Variants in STAG3 observed in about 807,000 individuals in gnomAD.
STAG3 encodes STAG3 cohesin complex component.
In STAG3, 101 loss-of-function variants were observed where a neutral mutation model predicts 160.7. The ratio of observed to expected loss-of-function variants is 0.63; its 90% CI spans 0.54 to 0.74. STAG3 has a LOEUF of 0.74. Among genes scored for constraint, STAG3 ranks in the 30% least tolerant of loss-of-function variants. STAG3 has a pLI of 0.00. For missense variants in STAG3, 1,188 were observed against 1,517.4 expected (o/e 0.78, Z 3.61); for synonymous variants, 519 against 585.0 (o/e 0.89, Z 1.63).
intron 8 of STAG3, among the ~76,000 whole-genome samples, chr7:100,191,267 A>G (rs1295010564): frequency 6.6e-6 from 1 of 152,128 alleles, no homozygotes; most frequent in African/African-American, 2.4e-5. Context: ...CTGGGGAACA[A>G]AATTAGCCTC....
At chr7:100,196,349 C>T (rs375829527) in intron 9 of STAG3, among the ~76,000 whole-genome samples, 4 of 151,336 alleles carry the variant, frequency 2.6e-5, no homozygotes, top group South Asian at 4.2e-4. Context: ...GGTGCGATCT[C>T]GGCTCACGGC....
Position 100,199,330 on chromosome 7 carries a change from G to C in STAG3, c.1536G>C (p.Trp512Cys), listed in dbSNP as rs1800914675. Residue 512 changes from tryptophan (W) to cysteine (C), a missense_variant, in exon 15 of 34, where the codon TGG becomes TGC. Trp to Cys is a radical substitution (Grantham distance 215). Coordinates refer to ENST00000615138, the MANE Select transcript of STAG3 (RefSeq NM_001282717.2). ...WDCAGARLKD[W>C]EGLTSLLLEK... ...GTGCAGGGGCTCGGCTGAAGGACTG[G>C]GAGGGTCTGACAAGCCTGCTGCTGG... 6.2e-7 allele frequency: 1 copy of C among 1,614,064 alleles called. No individual in the cohort carries two copies. Among genetic ancestry groups the C allele is most frequent in the Non-Finnish European group, 8.5e-7 (1 of 1,180,030 alleles).
chr7:100,191,204 C>T (rs745390835), intron 8 of STAG3, among the ~76,000 whole-genome samples: 1 of 152,030 alleles, frequency 6.6e-6, no homozygotes, highest in Non-Finnish European at 1.5e-5. Flanking sequence ...GTACCCTGCT[C>T]CCCCAGCAAG....
chr7:100,198,767 A>G (rs1346782312), intron 13 of STAG3, 76 bp from the exon 14 acceptor site: 3 of 1,381,620 alleles, frequency 2.2e-6, no homozygotes, highest in Non-Finnish European at 3.1e-6. Context: ...TCCTTGGGCC[A>G]TCTCCTCCCT....
rs1232866048 is a variant in STAG3, at chr7:100,211,491, A to G, written c.3470A>G (p.Gln1157Arg). 6.2e-7 allele frequency: 1 copy of G among 1,612,504 alleles called. No individual in the cohort carries two copies. Among genetic ancestry groups the G allele is most frequent in the Non-Finnish European group, 8.5e-7 (1 of 1,179,804 alleles). The change falls in exon 31 of 34, where the codon CAG (glutamine) becomes CGG (arginine). Residue 1157 changes from glutamine (Q) to arginine (R), a missense_variant. Transcript: ENST00000615138. ...AGGTTCTTGGGTCCACAATATTTCC[A>G]GACTCCACACAACCCTTCAGGTCCT... Reference protein sequence around the residue: ...RSRFLGPQYFQTPHNPSGPGL... With the variant: ...RSRFLGPQYFRTPHNPSGPGL...
chr7:100,180,923 A>G, intron 2 of STAG3: 1 of 300,980 alleles, frequency 3.3e-6, no homozygotes, highest in Admixed American at 5.6e-5. Flanking sequence ...CCTGTCGCCC[A>G]GGCTGGAGTG....
rs776921708 is a variant in STAG3, at chr7:100,182,789, C to G, written c.286C>G (p.Pro96Ala). Residue 96 changes from proline to alanine, a missense_variant, in exon 4 of 34, where the codon CCA (proline) becomes GCA (alanine). Around this residue, in one of 4 missense-constraint regions of STAG3, gnomAD observed 296 missense variants for 404.0 expected, o/e 0.73. Coordinates refer to ENST00000615138, the MANE Select transcript of STAG3 (RefSeq NM_001282717.2). The stretch of plus-strand genomic sequence containing the variant: ...TCATAGCCGGAAACAGTCAGAGCCA[C>G]CAGCCAATGATCTTTTCAATGCTGT... The part of the protein sequence containing the change: ...HRHSRKQSEP[P>A]ANDLFNAVKA... 3 of 1,613,838 alleles carry G rather than the reference C, an allele frequency of 1.9e-6. No individual in the cohort carries two copies. Among genetic ancestry groups the G allele is most frequent in the Non-Finnish European group, 2.5e-6 (3 of 1,179,868 alleles).
Position 100,211,077 on chromosome 7 carries a change from T to TGCCCCCCCCC in STAG3, c.3305_3306insGCCCCCCCCC (p.Ile1102MetfsTer92). On this transcript the variant is annotated frameshift_variant, in exon 30 of 34. Coordinates refer to ENST00000615138, the MANE Select transcript of STAG3 (RefSeq NM_001282717.2). LOFTEE classifies it high-confidence loss of function. ...GAAGAAAGTCTGCAGCTGAACAGCA[T>TGCCCCCCCCC]CCCGCCCACGCCCACCCTCACCTCC... 8 of 1,600,768 alleles carry TGCCCCCCCCC rather than the reference T, an allele frequency of 5.0e-6. No homozygotes were observed. Among genetic ancestry groups the TGCCCCCCCCC allele is most frequent in the Non-Finnish European group, 6.8e-6 (8 of 1,168,792 alleles).
intron 10 of STAG3, 121 bp from the exon 11 acceptor site, chr7:100,197,657 T>G: frequency 1.2e-6 from 1 of 828,550 alleles, no homozygotes; most frequent in African/African-American, 1.7e-5. Flanking sequence ...TTAAGAGTCC[T>G]CAGTAGAGGG....
At chr7:100,217,960 T>TCA (rs1455988755), downstream of STAG3, among the ~76,000 whole-genome samples, 1 of 150,470 alleles carries the variant, frequency 6.6e-6, no homozygotes, top group African/African-American at 2.4e-5. Context: ...GCCTGACTGA[T>TCA]GTCAGGCCTT....
intron 29 of STAG3, among the ~76,000 whole-genome samples, chr7:100,210,773 G>A (rs1430147904): frequency 6.6e-6 from 1 of 152,176 alleles, no homozygotes; most frequent in African/African-American, 2.4e-5. Context: ...AGGCTGTGTA[G>A]CAAGTTCTTC....
downstream of STAG3, among the ~76,000 whole-genome samples, chr7:100,217,101 G>GACTT (rs1044628688): frequency 3.3e-5 from 5 of 152,184 alleles, no homozygotes; most frequent in African/African-American, 1.2e-4. Flanking sequence ...AGGGAATCAT[G>GACTT]ACTTACAATG....
Position 100,202,505 on chromosome 7 carries a change from G to A in STAG3, c.2615G>A (p.Arg872His), listed in dbSNP as rs148735100. 2.5e-4 allele frequency: 411 copies of A among 1,614,046 alleles called. 1 individual carries two copies. The highest frequency in any genetic ancestry group is 3.7e-4 in the South Asian group (34 of 91,094). ...LQIERLHQRR[R>H]LLAGFCKLLL... Reference sequence around the variant, plus strand: ...ATAGAGCGGCTACACCAGCGGCGCCGCCTCCTAGCCGGGTTCTGCAAGCTG... The same window carrying A: ...ATAGAGCGGCTACACCAGCGGCGCCACCTCCTAGCCGGGTTCTGCAAGCTG... The change falls in exon 25 of 34, where the codon CGC (arginine) becomes CAC (histidine). Residue 872 changes from arginine (R) to histidine (H), a missense_variant. Coordinates refer to ENST00000615138, the MANE Select transcript of STAG3 (RefSeq NM_001282717.2).
rs1310793105 is a variant in STAG3 at position 100,201,244 on chromosome 7, T to C, written c.2133-20T>C. The C allele has an allele frequency of 3.7e-6, 6 of 1,614,016 alleles. No individual in the cohort carries two copies. Among genetic ancestry groups the C allele is most frequent in the Non-Finnish European group, 5.1e-6 (6 of 1,179,896 alleles). On this transcript the variant is annotated intron_variant, in intron 20 of 33. Coordinates refer to ENST00000615138, the MANE Select transcript of STAG3 (RefSeq NM_001282717.2). ...CCCTCTGTTCTTTTCCAGTATAACATTCCCCTTTCTCCCCCAAAGCACTCA... is the reference window on the plus strand; with the variant it reads ...CCCTCTGTTCTTTTCCAGTATAACACTCCCCTTTCTCCCCCAAAGCACTCA...
intron 8 of STAG3, among the ~76,000 whole-genome samples, chr7:100,191,962 A>G (rs1160300766): frequency 1.3e-5 from 2 of 152,222 alleles, no homozygotes; most frequent in East Asian, 1.9e-4. Flanking sequence ...CCAGGAATAG[A>G]TTCCATTTCA....
chr7:100,200,888 C>T lies in STAG3; in HGVS notation c.1980C>T (p.Phe660=). 1.9e-6 allele frequency: 3 copies of T among 1,614,238 alleles called. No homozygotes were observed. Among genetic ancestry groups the T allele is most frequent in the South Asian group, 1.1e-5 (1 of 91,088 alleles). The change falls in exon 19 of 34, where the codon TTC becomes TTT. Residue 660 remains phenylalanine (F), a synonymous_variant. Coordinates refer to ENST00000615138, the MANE Select transcript of STAG3 (RefSeq NM_001282717.2). ...YLLCNPEFTF[F]SRADFARSQL... ...TCTGTAATCCCGAATTCACTTTCTTCAGCCGGGCGGACTTTGCCCGCAGCC... is the reference window on the plus strand; with the variant it reads ...TCTGTAATCCCGAATTCACTTTCTTTAGCCGGGCGGACTTTGCCCGCAGCC...
At position 100,211,853 on chromosome 7, in the gene STAG3, G is replaced by T; in HGVS notation, c.3577G>T (p.Glu1193Ter). ...GTTAGAAATCCAGGATGAGTCAAAT[G>T]AAGAACGGCAGGATACAGACATGGT... The part of the protein sequence containing the change: ...EELEIQDESN[E>*]ERQDTDMQAS... The change falls in exon 32 of 34, where the codon GAA becomes TAA. Residue 1193 changes from glutamate (E) to a stop codon, truncating the protein, a stop_gained. Transcript: ENST00000615138. LOFTEE classifies it high-confidence loss of function. 6.2e-7 allele frequency: 1 copy of T among 1,614,056 alleles called. No homozygotes were observed. The highest frequency in any genetic ancestry group is 8.5e-7 in the Non-Finnish European group (1 of 1,180,000).
intron 8 of STAG3, among the ~76,000 whole-genome samples, chr7:100,193,485 A>G (rs773001986): frequency 6.6e-6 from 1 of 152,230 alleles, no homozygotes; most frequent in African/African-American, 2.4e-5. Context: ...TTCATTGTTT[A>G]GTGTAGCCAC....
chr7:100,199,341 C>A lies in STAG3; in HGVS notation c.1547C>A (p.Thr516Lys), dbSNP rs756105314. ...GARLKDWEGL[T>K]SLLLEKDQNL... The stretch of plus-strand genomic sequence containing the variant: ...CGGCTGAAGGACTGGGAGGGTCTGA[C>A]AAGCCTGCTGCTGGAGAAGGACCAG... Residue 516 changes from threonine to lysine, a missense_variant, in exon 15 of 34, where the codon ACA becomes AAA. Physicochemically the swap from Thr to Lys is moderately conservative, Grantham distance 78. This residue lies in a region of STAG3 where 240 missense variants were observed against 358.1 expected (regional missense o/e 0.67). Transcript: ENST00000615138. 3.7e-6 allele frequency: 6 copies of A among 1,614,104 alleles called. No homozygotes were observed. In the South Asian group the frequency reaches 6.6e-5, roughly 18 times the overall value.
Sources: allele counts gnomAD v4.1 joint callset (sites outside exome capture counted in the v4.1 genomes callset), GRCh38; gene constraint gnomAD v4.1.1; regional missense constraint gnomAD v4.1.1; transcripts MANE v1.5; gene names NCBI Gene and HGNC (gene_info 2026-07-23, HGNC 2026-07-21).